PLEKHA6: variants seen among roughly 807,000 people sequenced by gnomAD.
PLEKHA6 encodes pleckstrin homology domain-containing family A member 6.
PLEKHA6 carries 60 observed loss-of-function variants against 116.7 expected under a neutral mutation model. The observed-to-expected ratio is 0.51, with a 90% CI of 0.42 to 0.64. PLEKHA6 has a LOEUF of 0.64. PLEKHA6 is among the 30% of genes least tolerant of loss of function. The pLI is 0.00. For missense variants in PLEKHA6, 1,338 were observed against 1,422.7 expected, an observed-to-expected ratio of 0.94 and a Z score of 0.96; for synonymous variants, 489 against 556.1, an observed-to-expected ratio of 0.88 and a Z score of 1.70.
intron 1 of PLEKHA6, among the ~76,000 whole-genome samples, chr1:204,337,258 A>G (rs1672681036): frequency 6.6e-6 from 1 of 152,198 alleles, no homozygotes; most frequent in Non-Finnish European, 1.5e-5. Context: ...CTCCCTTCCC[A>G]GGCAATGCTT....
At chr1:204,255,818 G>A (rs1382501183) in intron 9 of PLEKHA6, 2 of 632,802 alleles carry the variant, frequency 3.2e-6, no homozygotes, top group Admixed American at 5.0e-5. Context: ...CTGCCCTTGA[G>A]GAGTTCTCAG....
chr1:204,288,451 G>A (rs561059722), intron 1 of PLEKHA6, among the ~76,000 whole-genome samples: 5 of 152,348 alleles, frequency 3.3e-5, no homozygotes, highest in South Asian at 2.1e-4. Context: ...AACCTGAGGC[G>A]TTTGGCTCTG....
intron 1 of PLEKHA6, among the ~76,000 whole-genome samples, chr1:204,357,995 C>T (rs143583984): frequency 6.6e-5 from 10 of 152,184 alleles, no homozygotes; most frequent in African/African-American, 2.4e-4. Context: ...AAGTAATTAT[C>T]TGTGTAAGGC....
chr1:204,335,229 C>A (rs1361131435), intron 1 of PLEKHA6, among the ~76,000 whole-genome samples: 3 of 152,056 alleles, frequency 2.0e-5, no homozygotes, highest in African/African-American at 7.2e-5. Flanking sequence ...CCACTTCCCC[C>A]CACACACATA....
chr1:204,349,884 G>A (rs1345642067), intron 1 of PLEKHA6, among the ~76,000 whole-genome samples: 1 of 152,214 alleles, frequency 6.6e-6, no homozygotes, highest in Non-Finnish European at 1.5e-5. Flanking sequence ...GCAAGTTGAA[G>A]GGTGAAGACT....
chr1:204,290,885 G>A (rs978104023), intron 1 of PLEKHA6, among the ~76,000 whole-genome samples: 3 of 151,462 alleles, frequency 2.0e-5, no homozygotes, highest in African/African-American at 7.3e-5. Flanking sequence ...AGCTACTCAG[G>A]AGGCTGAGTC....
At chr1:204,355,794 C>T (rs867359524) in intron 1 of PLEKHA6, among the ~76,000 whole-genome samples, 27 of 152,062 alleles carry the variant, frequency 1.8e-4, no homozygotes, top group African/African-American at 5.8e-4. Context: ...GCCAAAGACT[C>T]GAACACACAA....
chr1:204,240,274 C>T (rs533560768), intron 17 of PLEKHA6, among the ~76,000 whole-genome samples: 2 of 152,284 alleles, frequency 1.3e-5, no homozygotes, highest in South Asian at 2.1e-4. Context: ...TGGCCCAGAC[C>T]CCTCAGGAAT....
At chr1:204,305,875 G>A (rs1407803362) in intron 1 of PLEKHA6, among the ~76,000 whole-genome samples, 2 of 152,100 alleles carry the variant, frequency 1.3e-5, no homozygotes, top group African/African-American at 2.4e-5. Context: ...GATTTCTTAG[G>A]CTTAAAATGT....
intron 1 of PLEKHA6, among the ~76,000 whole-genome samples, chr1:204,314,439 G>A (rs955042264): frequency 1.3e-5 from 2 of 152,176 alleles, no homozygotes; most frequent in African/African-American, 4.8e-5. Flanking sequence ...AGACGACAAT[G>A]GAGTGACTGG....
chr1:204,346,319 G>A (rs1166883350), intron 1 of PLEKHA6, among the ~76,000 whole-genome samples: 1 of 152,038 alleles, frequency 6.6e-6, no homozygotes, highest in Non-Finnish European at 1.5e-5. Flanking sequence ...CTGTATGCAT[G>A]GGAACATGAG....
intron 3 of PLEKHA6, among the ~76,000 whole-genome samples, chr1:204,365,169 G>A (rs1673626127): frequency 1.3e-5 from 2 of 152,188 alleles, no homozygotes; most frequent in Non-Finnish European, 2.9e-5. Flanking sequence ...AGGCTGGGAA[G>A]GGGGGCGGGA....
intron 1 of PLEKHA6, among the ~76,000 whole-genome samples, chr1:204,356,358 A>C (rs899794790): frequency 6.6e-6 from 1 of 152,118 alleles, no homozygotes; most frequent in East Asian, 1.9e-4. Context: ...GGATCACTTG[A>C]GCACAGGAGT....
Position 204,219,796 on chromosome 1 carries a change from A to C in PLEKHA6, c.*2992T>G, listed in dbSNP as rs1018039218. 2.0e-5 allele frequency: 3 copies of C among 152,266 alleles called. No individual in the cohort carries two copies. Among genetic ancestry groups the C allele is most frequent in the African/African-American group, 7.2e-5 (3 of 41,450 alleles). The allele number at this position is 152,266 out of a possible 1,614,324, so 9.4% of individuals were successfully genotyped here. On this transcript the variant is annotated 3_prime_UTR_variant, in exon 23 of 23. Coordinates refer to ENST00000272203, the MANE Select transcript of PLEKHA6 (RefSeq NM_014935.5). ...GCAGCTTGGAAGGCTGAGCTGGCTT[A>C]GTTCGGTGCCCCAGTGGCAGCCTGC...
chr1:204,238,444 G>A lies in PLEKHA6; in HGVS notation c.2409+2931C>T, dbSNP rs752173467. Among the ~76,000 whole-genome samples the A allele has an allele frequency of 2.6e-5, 4 of 152,312 alleles. No individual in the cohort carries two copies. The highest frequency in any genetic ancestry group is 2.1e-4 in the South Asian group (1 of 4,824). Reference sequence around the variant, plus strand: ...TACTGGGCTTTGGTGGAAACTGAACGTTTGACTATGGGTCACCAAGTCACC... The same window carrying A: ...TACTGGGCTTTGGTGGAAACTGAACATTTGACTATGGGTCACCAAGTCACC... On this transcript the variant is annotated intron_variant, in intron 17 of 22. Transcript: ENST00000272203. This position sits in a 1 kb window ranked among gnomAD's most constrained non-coding sequence, Gnocchi z 4.2.
At chr1:204,251,898 C>T (rs901285686) in intron 9 of PLEKHA6, among the ~76,000 whole-genome samples, 1 of 152,014 alleles carries the variant, frequency 6.6e-6, no homozygotes, top group African/African-American at 2.4e-5. Context: ...TGGCTGTTGT[C>T]CCATCCGCAC....
chr1:204,260,063 A>G (rs550647948), intron 7 of PLEKHA6, among the ~76,000 whole-genome samples: 1 of 152,224 alleles, frequency 6.6e-6, no homozygotes, highest in Non-Finnish European at 1.5e-5. Context: ...CTATGGCATG[A>G]CTAACCTCAC....
rs552775508 is a variant in PLEKHA6 at position 204,251,681 on chromosome 1, G to T, written c.1525-1067C>A. 5.9e-6 allele frequency: 4 copies of T among 672,980 alleles called. No individual in the cohort carries two copies. In the South Asian group the frequency reaches 6.4e-5, roughly 11 times the overall value. 41.7% of individuals were successfully genotyped at this position (672,980 alleles called of 1,614,324 possible). On this transcript the variant is annotated intron_variant, in intron 9 of 22. Coordinates refer to ENST00000272203, the MANE Select transcript of PLEKHA6 (RefSeq NM_014935.5). ...GTAGGTATCTCCCCTTCACCCACCT[G>T]TGCTTGTTTCCCAGGAAACAGGGGA...
chr1:204,250,012 G>T (rs1283037365), intron 10 of PLEKHA6, among the ~76,000 whole-genome samples: 1 of 152,090 alleles, frequency 6.6e-6, no homozygotes, highest in East Asian at 1.9e-4. Flanking sequence ...CAGCCCACAC[G>T]GCCTCACTTC....
Sources: gnomAD v4.1 joint callset for allele counts (sites outside exome capture counted in the v4.1 genomes callset) on GRCh38, gnomAD v4.1.1 for gene constraint, Gnocchi (gnomAD v3.1) non-coding constraint, MANE v1.5 for transcripts, NCBI Gene and HGNC (gene_info 2026-07-23, HGNC 2026-07-21) for gene names.